AK5: variants seen among roughly 807,000 people sequenced by gnomAD.
The protein encoded by AK5 is adenylate kinase isoenzyme 5.
Under a neutral mutation model 69.5 loss-of-function variants are expected in AK5, and 27 were observed. That is an observed-to-expected ratio of 0.39 (90% CI 0.29 to 0.54). The LOEUF (loss-of-function observed/expected upper bound fraction) is 0.54, where lower values mean the gene tolerates loss of function less well. Among genes scored for constraint, AK5 ranks in the 20% least tolerant of loss-of-function variants. AK5 has a pLI of 0.71. For missense variants in AK5, 531 were observed against 700.4 expected, an observed-to-expected ratio of 0.76 and a Z score of 2.73; for synonymous variants, 260 against 244.4, an observed-to-expected ratio of 1.06 and a Z score of -0.60.
chr1:77,282,626 C>A, intron 1 of AK5: 1 of 1,255,238 alleles, frequency 8.0e-7, no homozygotes, highest in Admixed American at 4.3e-5. Flanking sequence ...GTTCTGAAAG[C>A]AGCCTGCTCC....
chr1:77,368,245 A>ATATATATATATATATGT lies in AK5; in HGVS notation c.891+27685_891+27686insTATATATGTTATATATA, dbSNP rs376578923. On this transcript the variant is annotated intron_variant, in intron 6 of 13. Coordinates refer to ENST00000354567, the MANE Select transcript of AK5 (RefSeq NM_174858.3). ...TATATATATATATATATATATATAT[A>ATATATATATATATATGT]TATATATAATATATATGTTATATAT... 2.4e-4 allele frequency among the ~76,000 whole-genome samples: 16 copies of ATATATATATATATATGT among 67,898 alleles called. 2 individuals are homozygous for ATATATATATATATATGT. Among genetic ancestry groups the ATATATATATATATATGT allele is most frequent in the Non-Finnish European group, 3.7e-4 (13 of 35,060 alleles). 44.5% of individuals were successfully genotyped at this position (67,898 alleles called of 152,430 possible). A position where few individuals can be genotyped will look rare whatever the true frequency, so the allele number is the denominator to read the frequency against.
At chr1:77,554,594 T>C (rs566292952) in intron 13 of AK5, among the ~76,000 whole-genome samples, 20 of 152,062 alleles carry the variant, frequency 1.3e-4, no homozygotes, top group African/African-American at 4.1e-4. Flanking sequence ...TTGTTTTATT[T>C]GGGTTTTGTT....
chr1:77,313,634 T>G (rs778129057), intron 5 of AK5, among the ~76,000 whole-genome samples: 3 of 152,050 alleles, frequency 2.0e-5, no homozygotes, highest in Non-Finnish European at 4.4e-5. Context: ...TATAAGGCGA[T>G]GGAGTCCATA....
At chr1:77,296,974 T>C (rs1386947647) in intron 3 of AK5, among the ~76,000 whole-genome samples, 2 of 152,202 alleles carry the variant, frequency 1.3e-5, no homozygotes, top group Non-Finnish European at 2.9e-5. Context: ...TTCTAAGTTC[T>C]CTATTCTGTT....
rs12129136 is a variant in AK5, at chr1:77,339,644, C to A, written c.700-733C>A. Among the ~76,000 whole-genome samples the A allele has an allele frequency of 1.2e-3, 148 of 123,140 alleles. 3 individuals carry two copies. The highest frequency in any genetic ancestry group is 1.9e-3 in the South Asian group (7 of 3,612). 80.8% of individuals were successfully genotyped at this position (123,140 alleles called of 152,430 possible). A position where few individuals can be genotyped will look rare whatever the true frequency, so the allele number is the denominator to read the frequency against. On this transcript the variant is annotated intron_variant, in intron 5 of 13. Transcript: ENST00000354567. ...AGATTGTTGTAAAATTTAGCAATAT[C>A]TTTTTTTTTTTTTTTTTTTGAGATG...
intron 8 of AK5, among the ~76,000 whole-genome samples, chr1:77,480,021 G>A (rs1655163225): frequency 6.6e-6 from 1 of 152,170 alleles, no homozygotes; most frequent in African/African-American, 2.4e-5. Context: ...CTTTCATGCA[G>A]AACACACCCA....
At chr1:77,465,196 G>A (rs1421011291) in intron 8 of AK5, among the ~76,000 whole-genome samples, 1 of 151,964 alleles carries the variant, frequency 6.6e-6, no homozygotes, top group African/African-American at 2.4e-5. Context: ...GCCACTTCAG[G>A]GTCCTGTAAA....
At chr1:77,444,376 CTATATATAGTATAT>C (rs1557598468) in intron 8 of AK5, among the ~76,000 whole-genome samples, 502 of 35,076 alleles carry the variant, frequency 0.014, 43 homozygotes, top group Non-Finnish European at 0.02. Context: ...TAAATATATA[CTATATATAGTATAT>C]ATAGTATAAA....
At chr1:77,419,094 T>G (rs1650633261) in intron 8 of AK5, among the ~76,000 whole-genome samples, 1 of 151,012 alleles carries the variant, frequency 6.6e-6, no homozygotes, top group African/African-American at 2.4e-5. Flanking sequence ...CAAGGTTACA[T>G]AAATAGTTTC....
At chr1:77,339,172 G>A (rs1218124956) in intron 5 of AK5, among the ~76,000 whole-genome samples, 2 of 152,226 alleles carry the variant, frequency 1.3e-5, no homozygotes, top group Non-Finnish European at 2.9e-5. Flanking sequence ...CATATCATAT[G>A]TACATGCATA....
intron 6 of AK5, among the ~76,000 whole-genome samples, chr1:77,400,801 G>A (rs1429113991): frequency 6.6e-6 from 1 of 152,028 alleles, no homozygotes; most frequent in Admixed American, 6.6e-5. Flanking sequence ...ATTCTGTACA[G>A]AAGGCTTAGA....
chr1:77,484,401 T>C (rs895784676), intron 9 of AK5, among the ~76,000 whole-genome samples: 6 of 152,204 alleles, frequency 3.9e-5, no homozygotes, highest in Non-Finnish European at 8.8e-5. Flanking sequence ...TTTAGCTTTT[T>C]AAATAACCCC....
chr1:77,426,013 A>C (rs1444987155), intron 8 of AK5, among the ~76,000 whole-genome samples: 3 of 152,226 alleles, frequency 2.0e-5, no homozygotes, highest in Admixed American at 2.0e-4. Context: ...AAAAAGACTC[A>C]TAATGCTCAA....
At chr1:77,471,798 G>T (rs571159228) in intron 8 of AK5, among the ~76,000 whole-genome samples, 1 of 152,282 alleles carries the variant, frequency 6.6e-6, no homozygotes, top group East Asian at 1.9e-4. Context: ...GCAGCAAAAT[G>T]CATCCTTCCT....
At chr1:77,289,965 A>C (rs1246761812) in intron 2 of AK5, among the ~76,000 whole-genome samples, 5 of 151,640 alleles carry the variant, frequency 3.3e-5, no homozygotes, top group Non-Finnish European at 5.9e-5. Flanking sequence ...ACAAATTGTG[A>C]GTTTGGAATT....
At chr1:77,554,212 G>C (rs1659959519) in intron 13 of AK5, among the ~76,000 whole-genome samples, 2 of 152,108 alleles carry the variant, frequency 1.3e-5, no homozygotes, top group South Asian at 4.1e-4. Flanking sequence ...ATGACCCACT[G>C]TTCACTGAAA....
chr1:77,516,212 C>A (rs1300380332), intron 10 of AK5, among the ~76,000 whole-genome samples: 1 of 152,132 alleles, frequency 6.6e-6, no homozygotes, highest in Admixed American at 6.5e-5. Flanking sequence ...ATAAGCCAGG[C>A]ACAGAAAGAC....
At chr1:77,363,135 C>T (rs2100443291) in intron 6 of AK5, among the ~76,000 whole-genome samples, 1 of 152,270 alleles carries the variant, frequency 6.6e-6, no homozygotes, top group Admixed American at 6.5e-5. Flanking sequence ...TCAGGTGTAA[C>T]ACATACAGAC....
intron 3 of AK5, among the ~76,000 whole-genome samples, chr1:77,296,423 T>G (rs1659004885): frequency 6.6e-6 from 1 of 152,156 alleles, no homozygotes; most frequent in African/African-American, 2.4e-5. Flanking sequence ...TCCAACAAAT[T>G]AATGGCAGAG....
Sources: gnomAD v4.1 joint callset for allele counts (sites outside exome capture counted in the v4.1 genomes callset) on GRCh38, gnomAD v4.1.1 for gene constraint, MANE v1.5 for transcripts, NCBI Gene and HGNC (gene_info 2026-07-23, HGNC 2026-07-21) for gene names.